Variants in RBFOX1 observed in about 807,000 individuals in gnomAD.
RBFOX1 encodes the protein RNA binding fox-1 homolog 1.
In RBFOX1, 8 loss-of-function variants were observed where a neutral mutation model predicts 57.7. The ratio of observed to expected loss-of-function variants is 0.14; its 90% CI spans 0.08 to 0.25. RBFOX1 has a LOEUF of 0.25. Ranked by LOEUF, RBFOX1 falls within the 10% of genes least tolerant of loss-of-function variation. RBFOX1 has a pLI of 1.00. For synonymous variants in RBFOX1, 326 were observed against 222.4 expected, an observed-to-expected ratio of 1.47 and a Z score of -4.15; for missense variants, 611 against 548.5, an observed-to-expected ratio of 1.11 and a Z score of -1.14.
At chr16:5,548,192 T>A (rs1448580348) in intron 2 of RBFOX1, among the ~76,000 whole-genome samples, 2 of 132,776 alleles carry the variant, frequency 1.5e-5, no homozygotes, top group African/African-American at 5.4e-5. Flanking sequence ...TATATATATA[T>A]ATATATATAT....
At chr16:6,282,308 A>T (rs1316358718) in intron 1 of RBFOX1, among the ~76,000 whole-genome samples, 3 of 148,660 alleles carry the variant, frequency 2.0e-5, no homozygotes, top group Non-Finnish European at 3.0e-5. Context: ...AGCAAGTTTG[A>T]CACCTAGCTA....
intron 14 of RBFOX1, among the ~76,000 whole-genome samples, chr16:7,701,526 C>T (rs372320393): frequency 3.3e-5 from 5 of 152,278 alleles, no homozygotes; most frequent in Non-Finnish European, 2.9e-5. Flanking sequence ...TGAAACTATT[C>T]TCCACCTCCC....
At chr16:5,903,126 GTA>G (rs751681360) in intron 4 of RBFOX1, among the ~76,000 whole-genome samples, 13 of 152,164 alleles carry the variant, frequency 8.5e-5, no homozygotes, top group Admixed American at 6.5e-4. Context: ...GTGGGTGTGT[GTA>G]TGTGAGTGTG....
chr16:6,165,368 G>A (rs543539587), intron 1 of RBFOX1, among the ~76,000 whole-genome samples: 41 of 152,118 alleles, frequency 2.7e-4, no homozygotes, highest in African/African-American at 9.6e-4. Context: ...AGAAACAATC[G>A]TGCAGTCCTG....
At position 6,313,825 on chromosome 16, in the gene RBFOX1, T is replaced by TAAA. The variant is rs60057850; in HGVS notation, c.-126-3162_-126-3160dup. 2.9e-3 allele frequency among the ~76,000 whole-genome samples: 437 copies of TAAA among 150,234 alleles called. 1 individual carries two copies. Among genetic ancestry groups the TAAA allele is most frequent in the South Asian group, 7.6e-3 (36 of 4,756 alleles). ...AATTGCAAACTCAGAACATTTTAGT[T>TAAA]AAAAAAAAAATAACACTAAATCACT... On this transcript the variant is annotated intron_variant, in intron 1 of 15. Coordinates refer to ENST00000550418, the MANE Select transcript of RBFOX1 (RefSeq NM_018723.4).
chr16:7,150,589 C>T (rs534351824), intron 4 of RBFOX1, among the ~76,000 whole-genome samples: 13 of 152,304 alleles, frequency 8.5e-5, no homozygotes, highest in African/African-American at 2.9e-4. Context: ...TTACGTGGCT[C>T]ACTTTCAGGA....
At chr16:5,965,295 A>G (rs534085943) in intron 4 of RBFOX1, among the ~76,000 whole-genome samples, 1 of 152,234 alleles carries the variant, frequency 6.6e-6, no homozygotes, top group Non-Finnish European at 1.5e-5. Flanking sequence ...GTAGACCTCA[A>G]ATGTTCTTAC....
chr16:5,686,126 C>T (rs886496588), intron 3 of RBFOX1, among the ~76,000 whole-genome samples: 1 of 152,104 alleles, frequency 6.6e-6, no homozygotes, highest in South Asian at 2.1e-4. Context: ...CTGGTATCTA[C>T]GTTGGATGTT....
intron 4 of RBFOX1, among the ~76,000 whole-genome samples, chr16:5,867,572 G>A (rs935311646): frequency 1.6e-4 from 25 of 152,142 alleles, no homozygotes; most frequent in African/African-American, 5.8e-4. Context: ...TTCAGCGTCT[G>A]TTTCTTGACA....
At chr16:7,159,030 G>A (rs762781271) in intron 4 of RBFOX1, among the ~76,000 whole-genome samples, 38 of 147,576 alleles carry the variant, frequency 2.6e-4, no homozygotes, top group African/African-American at 6.3e-4. Flanking sequence ...CCCTACCCCC[G>A]TCCCTACCTG....
chr16:6,782,348 G>A (rs754347921), intron 3 of RBFOX1, among the ~76,000 whole-genome samples: 2 of 152,030 alleles, frequency 1.3e-5, no homozygotes, highest in Non-Finnish European at 2.9e-5. Flanking sequence ...TATCCCATAG[G>A]TTTCAGTATG....
chr16:7,362,245 ATAT>A (rs1387338094), intron 4 of RBFOX1, among the ~76,000 whole-genome samples: 1 of 141,612 alleles, frequency 7.1e-6, no homozygotes, highest in Non-Finnish European at 1.5e-5. Flanking sequence ...GTGTGTTAGT[ATAT>A]TTTTTGTTAG....
intron 2 of RBFOX1, among the ~76,000 whole-genome samples, chr16:5,482,533 T>G (rs991224090): frequency 5.9e-5 from 9 of 152,212 alleles, no homozygotes; most frequent in African/African-American, 1.9e-4. Context: ...AGCAGGCACT[T>G]AATGCAAATC....
intron 4 of RBFOX1, among the ~76,000 whole-genome samples, chr16:6,011,743 G>A (rs2094962504): frequency 6.6e-6 from 1 of 152,208 alleles, no homozygotes. Flanking sequence ...AGTGAGCAAA[G>A]CTGGTGACCA....
At chr16:5,259,858 G>T (rs925973967) in intron 1 of RBFOX1, among the ~76,000 whole-genome samples, 1 of 152,068 alleles carries the variant, frequency 6.6e-6, no homozygotes, top group Non-Finnish European at 1.5e-5. Context: ...CACCACGTGG[G>T]GGCCATTCTG....
intron 4 of RBFOX1, among the ~76,000 whole-genome samples, chr16:7,420,409 C>A (rs1050736025): frequency 6.6e-6 from 1 of 152,050 alleles, no homozygotes; most frequent in Non-Finnish European, 1.5e-5. Flanking sequence ...GTAGTTACAG[C>A]AATAAAAACA....
intron 3 of RBFOX1, among the ~76,000 whole-genome samples, chr16:5,788,743 A>T (rs572864079): frequency 6.6e-6 from 1 of 152,146 alleles, no homozygotes; most frequent in Non-Finnish European, 1.5e-5. Context: ...ACACATACAC[A>T]TTCACACACA....
intron 3 of RBFOX1, among the ~76,000 whole-genome samples, chr16:5,657,782 G>C (rs891237581): frequency 7.4e-6 from 1 of 135,068 alleles, no homozygotes; most frequent in African/African-American, 2.7e-5. Context: ...ACCCAGGTTG[G>C]AGTACAGTAG....
At position 5,955,040 on chromosome 16, in the gene RBFOX1, G is replaced by A. The variant is rs545452111; in HGVS notation, c.351+87705G>A. Among the ~76,000 whole-genome samples, 66 of 146,686 alleles carry A rather than the reference G, an allele frequency of 4.5e-4. 1 individual carries two copies. The highest frequency in any genetic ancestry group is 7.7e-4 in the Non-Finnish European group (52 of 67,442). ...TCATCCTTGTAATCCCAGCACTTGC[G>A]GAGGCCGAAGCGGGTGGATCACTTG... On this transcript the variant is annotated intron_variant, in intron 4 of 19. Transcript: ENST00000641259.
Sources: gnomAD v4.1 joint callset for allele counts (sites outside exome capture counted in the v4.1 genomes callset) on GRCh38, gnomAD v4.1.1 for gene constraint, MANE v1.5 for transcripts, NCBI Gene and HGNC (gene_info 2026-07-23, HGNC 2026-07-21) for gene names.